Variants in PIP5K1B observed in about 807,000 individuals in gnomAD.
The protein encoded by PIP5K1B is phosphatidylinositol 4-phosphate 5-kinase type-1 beta.
Under a neutral mutation model 67.0 loss-of-function variants are expected in PIP5K1B, and 42 were observed. The ratio of observed to expected loss-of-function variants is 0.63; its 90% CI spans 0.49 to 0.81. PIP5K1B has a LOEUF of 0.81. Among genes scored for constraint, PIP5K1B ranks in the 30% least tolerant of loss-of-function variants. The pLI is 0.00. For missense variants in PIP5K1B, 459 were observed against 646.3 expected, an observed-to-expected ratio of 0.71 and a Z score of 3.14; for synonymous variants, 214 against 231.4, an observed-to-expected ratio of 0.92 and a Z score of 0.68.
intron 2 of PIP5K1B, among the ~76,000 whole-genome samples, chr9:68,755,579 A>AT (rs1829885703): frequency 6.6e-6 from 1 of 152,242 alleles, no homozygotes; most frequent in South Asian, 2.1e-4. Context: ...GTTACTAGGG[A>AT]TAACCACTGT....
chr9:69,007,623 C>T (rs541029344), intron 15 of PIP5K1B, among the ~76,000 whole-genome samples: 16 of 152,214 alleles, frequency 1.1e-4, no homozygotes, highest in East Asian at 7.7e-4. Context: ...TTTGGGAGGC[C>T]AAGGTGGGCG....
chr9:68,816,598 G>C (rs1178780583), intron 2 of PIP5K1B, among the ~76,000 whole-genome samples: 1 of 152,216 alleles, frequency 6.6e-6, no homozygotes, highest in Non-Finnish European at 1.5e-5. Flanking sequence ...ACAAGTCAAT[G>C]TTTGGAACAG....
At chr9:69,007,712 C>T (rs1443240529) in intron 15 of PIP5K1B, among the ~76,000 whole-genome samples, 4 of 152,072 alleles carry the variant, frequency 2.6e-5, no homozygotes, top group African/African-American at 9.7e-5. Context: ...AAAAAATTAG[C>T]CAGGCGTGAT....
At chr9:68,887,189 A>G (rs1311078571) in intron 6 of PIP5K1B, among the ~76,000 whole-genome samples, 1 of 152,104 alleles carries the variant, frequency 6.6e-6, no homozygotes, top group Non-Finnish European at 1.5e-5. Context: ...TCTCCACTGC[A>G]CTTACCACTT....
At chr9:68,962,807 T>C (rs1169238173) in intron 14 of PIP5K1B, among the ~76,000 whole-genome samples, 3 of 152,232 alleles carry the variant, frequency 2.0e-5, no homozygotes, top group Non-Finnish European at 4.4e-5. Flanking sequence ...GAGAGAACCA[T>C]TCATAGTTAA....
At chr9:68,789,209 G>T (rs754620184) in intron 2 of PIP5K1B, 2 of 516,940 alleles carry the variant, frequency 3.9e-6, no homozygotes, top group South Asian at 1.8e-5. Flanking sequence ...CACCCACATT[G>T]GTGCTTCCTG....
rs1355032518 is a variant in PIP5K1B at position 68,730,650 on chromosome 9, A to G, written c.-242-11851A>G. 2.6e-5 allele frequency among the ~76,000 whole-genome samples: 4 copies of G among 152,242 alleles called. No individual in the cohort carries two copies. In the East Asian group the frequency reaches 7.7e-4, roughly 29 times the overall value. ...ATACAAGTAAATTGCAGAAAAGCAG[A>G]GAATTTCAGCCAACAGAAGTCACTG... On this transcript the variant is annotated intron_variant, in intron 1 of 15. Transcript: ENST00000265382.
intron 14 of PIP5K1B, among the ~76,000 whole-genome samples, chr9:68,946,015 C>T (rs1056121687): frequency 6.6e-6 from 1 of 152,146 alleles, no homozygotes; most frequent in Non-Finnish European, 1.5e-5. Context: ...ATAGCTATTT[C>T]CTCAAGTTGT....
At chr9:68,772,300 T>C (rs1238310002) in intron 2 of PIP5K1B, among the ~76,000 whole-genome samples, 1 of 152,248 alleles carries the variant, frequency 6.6e-6, no homozygotes, top group Non-Finnish European at 1.5e-5. Flanking sequence ...TCAGTTGCTC[T>C]TCTTATTTTG....
chr9:68,745,510 G>A (rs536367001), intron 2 of PIP5K1B, among the ~76,000 whole-genome samples: 1 of 152,258 alleles, frequency 6.6e-6, no homozygotes, highest in African/African-American at 2.4e-5. Context: ...TACTTTCTTG[G>A]GAAGCAGGGC....
chr9:68,726,378 G>C (rs1828150102), intron 1 of PIP5K1B, among the ~76,000 whole-genome samples: 1 of 152,216 alleles, frequency 6.6e-6, no homozygotes, highest in Non-Finnish European at 1.5e-5. Flanking sequence ...GAAACTCATA[G>C]AGTATAACAC....
Position 68,881,241 on chromosome 9 carries a change from C to T in PIP5K1B, c.318+4447C>T, listed in dbSNP as rs183812721. The stretch of plus-strand genomic sequence containing the variant: ...ACCAAATATGTACTCAAACTAGCCT[C>T]TTCCTAGCCCATTGACCTGTGATTG... On this transcript the variant is annotated intron_variant, in intron 6 of 15. Coordinates refer to ENST00000265382, the MANE Select transcript of PIP5K1B (RefSeq NM_003558.4). 2.6e-5 allele frequency among the ~76,000 whole-genome samples: 4 copies of T among 152,326 alleles called. No homozygotes were observed. In the East Asian group the frequency reaches 7.7e-4, roughly 29 times the overall value.
intron 2 of PIP5K1B, among the ~76,000 whole-genome samples, chr9:68,754,128 G>A (rs1201708504): frequency 2.0e-5 from 3 of 148,656 alleles, no homozygotes; most frequent in African/African-American, 7.4e-5. Context: ...TCAGCAGGAT[G>A]GTGAATCATT....
chr9:68,900,964 A>C (rs1224859784), intron 8 of PIP5K1B, among the ~76,000 whole-genome samples: 2 of 152,216 alleles, frequency 1.3e-5, no homozygotes, highest in Admixed American at 1.3e-4. Flanking sequence ...AATATTTAAC[A>C]TTATGGCTAT....
intron 4 of PIP5K1B, among the ~76,000 whole-genome samples, chr9:68,829,319 G>A (rs147997376): frequency 8.0e-4 from 122 of 152,316 alleles, no homozygotes; most frequent in African/African-American, 2.8e-3. Context: ...AGCAGCAGTT[G>A]TCATGAATAG....
chr9:68,773,018 C>T (rs1011552703), intron 2 of PIP5K1B, among the ~76,000 whole-genome samples: 1 of 152,170 alleles, frequency 6.6e-6, no homozygotes, highest in Non-Finnish European at 1.5e-5. Context: ...GAGAGGTTGA[C>T]AGACTTGCCC....
At chr9:68,956,698 C>G (rs1014906466) in intron 14 of PIP5K1B, among the ~76,000 whole-genome samples, 1 of 152,168 alleles carries the variant, frequency 6.6e-6, no homozygotes, top group African/African-American at 2.4e-5. Context: ...CATTGACAAG[C>G]AGCATTGAGT....
At chr9:68,718,190 A>G (rs1433347336) in intron 1 of PIP5K1B, among the ~76,000 whole-genome samples, 1 of 152,230 alleles carries the variant, frequency 6.6e-6, no homozygotes, top group Non-Finnish European at 1.5e-5. Context: ...AAGAAGGCAT[A>G]GTAAAACTTG....
At chr9:68,940,406 TA>T (rs1827498330) in intron 13 of PIP5K1B, among the ~76,000 whole-genome samples, 1 of 152,224 alleles carries the variant, frequency 6.6e-6, no homozygotes, top group Non-Finnish European at 1.5e-5. Context: ...AGAACATTCA[TA>T]ATGTCATTTC....
Sources: allele counts gnomAD v4.1 joint callset (sites outside exome capture counted in the v4.1 genomes callset), GRCh38; gene constraint gnomAD v4.1.1; transcripts MANE v1.5; gene names NCBI Gene and HGNC (gene_info 2026-07-23, HGNC 2026-07-21).